Variants in ANKFY1 observed in about 807,000 individuals in gnomAD.
The protein encoded by ANKFY1 is ankyrin repeat and FYVE domain containing 1.
Under a neutral mutation model 128.3 loss-of-function variants are expected in ANKFY1, and 47 were observed. The observed-to-expected ratio is 0.37, with a 90% CI of 0.29 to 0.47. The LOEUF is 0.47. ANKFY1 is among the 20% of genes least tolerant of loss of function. The pLI, the probability that ANKFY1 is intolerant of heterozygous loss-of-function variation, is 1.00. For synonymous variants in ANKFY1, 553 were observed against 601.6 expected (o/e 0.92, Z 1.18); for missense variants, 1,222 against 1,510.6 (o/e 0.81, Z 3.17).
chr17:4,263,121 T>C (rs1428142580), intron 1 of ANKFY1, among the ~76,000 whole-genome samples: 1 of 152,220 alleles, frequency 6.6e-6, no homozygotes, highest in African/African-American at 2.4e-5. Flanking sequence ...TCCCCGTCTC[T>C]GGGCCTTCTT....
intron 4 of ANKFY1, among the ~76,000 whole-genome samples, chr17:4,210,677 C>T (rs539382383): frequency 1.5e-5 from 2 of 130,614 alleles, no homozygotes; most frequent in African/African-American, 6.1e-5. Flanking sequence ...CATTGCACTC[C>T]GGCCTGGGCG....
chr17:4,260,171 GGAGTATTAAGAA>G (rs1196055439), intron 1 of ANKFY1, among the ~76,000 whole-genome samples: 3 of 152,166 alleles, frequency 2.0e-5, no homozygotes, highest in African/African-American at 7.2e-5. Flanking sequence ...TTGAGGGGCA[GGAGTATTAAGAA>G]GAGTAGGAGA....
intron 3 of ANKFY1, among the ~76,000 whole-genome samples, chr17:4,229,509 A>G (rs960605642): frequency 2.6e-5 from 4 of 152,196 alleles, no homozygotes; most frequent in African/African-American, 9.6e-5. Flanking sequence ...GAAAGATTTA[A>G]TACAGATAAA....
chr17:4,176,201 C>T (rs2059409333), intron 19 of ANKFY1, among the ~76,000 whole-genome samples: 1 of 152,228 alleles, frequency 6.6e-6, no homozygotes, highest in African/African-American at 2.4e-5. Context: ...CCCAAGGCGC[C>T]TTCTTCAAAT....
intron 22 of ANKFY1, 60 bp from the exon 23 acceptor site, chr17:4,170,921 A>ACGGAGGG (rs1239351893): frequency 6.2e-7 from 1 of 1,611,218 alleles, no homozygotes; most frequent in African/African-American, 1.3e-5. Context: ...GCAGCCACAG[A>ACGGAGGG]CGGAGGGCGG....
chr17:4,199,074 C>T (rs562648207), intron 7 of ANKFY1, among the ~76,000 whole-genome samples: 3 of 152,192 alleles, frequency 2.0e-5, no homozygotes, highest in Non-Finnish European at 2.9e-5. Context: ...GTGGGAGGAT[C>T]GCTTGAGCCC....
At chr17:4,222,662 C>T in intron 3 of ANKFY1, 2 of 895,374 alleles carry the variant, frequency 2.2e-6, no homozygotes, top group East Asian at 2.4e-5. Flanking sequence ...AAAATGTGCA[C>T]CAAAAATGGC....
intron 2 of ANKFY1, among the ~76,000 whole-genome samples, chr17:4,241,897 G>A (rs1361063661): frequency 6.6e-6 from 1 of 151,622 alleles, no homozygotes; most frequent in East Asian, 2.0e-4. Context: ...AGACCATCCT[G>A]GCTAACATGT....
chr17:4,194,092 T>TAC, intron 10 of ANKFY1, among the ~76,000 whole-genome samples: 1 of 89,554 alleles, frequency 1.1e-5, no homozygotes, highest in Non-Finnish European at 2.2e-5. Flanking sequence ...CGGCCATATA[T>TAC]ATATATATAT....
intron 19 of ANKFY1, among the ~76,000 whole-genome samples, chr17:4,176,215 G>T (rs2059409427): frequency 6.6e-6 from 1 of 152,200 alleles, no homozygotes; most frequent in African/African-American, 2.4e-5. Flanking sequence ...TTCAAATGCT[G>T]CCTCAGCTCA....
intron 7 of ANKFY1, 114 bp downstream of exon 7, chr17:4,206,207 G>C: frequency 9.2e-7 from 1 of 1,090,884 alleles, no homozygotes; most frequent in Non-Finnish European, 1.3e-6. Context: ...TGTAGCCTGT[G>C]AGTACAGACT....
rs779753119 is a variant in ANKFY1, at chr17:4,209,867, C to G, written c.539G>C (p.Ser180Thr). The change falls in exon 5 of 25, where the codon AGC becomes ACC. Residue 180 changes from serine to threonine, a missense_variant. By Grantham distance (58) the Ser-to-Thr change is moderately conservative. Coordinates refer to ENST00000341657, the MANE Select transcript of ANKFY1 (RefSeq NM_001330063.2). ...FYQTAEELNASTLMNYCAEII... is the reference protein window; with the variant it reads ...FYQTAEELNATTLMNYCAEII... ...TTCTGCACAGTAGTTCATCAGTGTG[C>G]TGGCATTCAGCTCCTCTGCCGTCTG... The G allele has an allele frequency of 6.2e-7, 1 of 1,614,038 alleles. No individual in the cohort carries two copies. The highest frequency in any genetic ancestry group is 1.1e-5 in the South Asian group (1 of 91,070).
chr17:4,261,002 C>G (rs1004036536), intron 1 of ANKFY1, among the ~76,000 whole-genome samples: 2 of 152,202 alleles, frequency 1.3e-5, no homozygotes, highest in African/African-American at 4.8e-5. Flanking sequence ...CTCTGAGAAT[C>G]TGATTAAAGC....
At chr17:4,222,705 G>C in intron 3 of ANKFY1, 1 of 876,490 alleles carries the variant, frequency 1.1e-6, no homozygotes, top group East Asian at 2.4e-5. Context: ...TTCTACGCGT[G>C]TTTTATATTA....
Position 4,178,872 on chromosome 17 carries a change from G to C in ANKFY1, c.2583C>G (p.Ser861=). The change falls in exon 18 of 25, where the codon TCC becomes TCG. Residue 861 remains serine (S), a synonymous_variant. Transcript: ENST00000341657. This position sits in a 1 kb window ranked among gnomAD's most constrained non-coding sequence, Gnocchi z 4.1. The part of the protein sequence containing the change: ...KSAEAILKRE[S]GAAEQVDNKG... ...ATTCACTCACCTGCTCAGCAGCCCC[G>C]GACTCTCGTTTGAGAATGGCCTCGG... 1 of 1,614,178 alleles carries C rather than the reference G, an allele frequency of 6.2e-7. No homozygotes were observed. The highest frequency in any genetic ancestry group is 8.5e-7 in the Non-Finnish European group (1 of 1,180,044).
chr17:4,208,168 G>C, intron 5 of ANKFY1, 86 bp from the exon 6 acceptor site: 1 of 1,349,844 alleles, frequency 7.4e-7, no homozygotes, highest in Non-Finnish European at 1.0e-6. Flanking sequence ...AAATGCATCA[G>C]TCAGGCCCTT....
At chr17:4,211,976 C>CA (rs1356150488) in intron 4 of ANKFY1, among the ~76,000 whole-genome samples, 29 of 152,196 alleles carry the variant, frequency 1.9e-4, no homozygotes, top group African/African-American at 7.0e-4. Context: ...GCAAATAGGT[C>CA]TCTGGTAGCA....
Position 4,170,813 on chromosome 17 carries a change from A to G in ANKFY1, c.3188T>C (p.Ile1063Thr). 6.2e-7 allele frequency: 1 copy of G among 1,614,246 alleles called. No individual in the cohort carries two copies. Among genetic ancestry groups the G allele is most frequent in the Non-Finnish European group, 8.5e-7 (1 of 1,180,042 alleles). ...CCCGAGGCGAGCCCCCGACCGGACGATGGCGCGGCACAAGTTGGCGTTCCC... is the reference window on the plus strand; with the variant it reads ...CCCGAGGCGAGCCCCCGACCGGACGGTGGCGCGGCACAAGTTGGCGTTCCC... ...MKGNANLCRA[I>T]VRSGARLGVN... The change falls in exon 23 of 25, where the codon ATC becomes ACC. Residue 1063 changes from isoleucine (I) to threonine (T), a missense_variant. Coordinates refer to ENST00000341657, the MANE Select transcript of ANKFY1 (RefSeq NM_001330063.2).
At position 4,169,960 on chromosome 17, in the gene ANKFY1, C is replaced by T. The variant is rs1397044672; in HGVS notation, c.3287-672G>A. On this transcript the variant is annotated intron_variant, in intron 23 of 24. Coordinates refer to ENST00000341657, the MANE Select transcript of ANKFY1 (RefSeq NM_001330063.2). The surrounding 1 kb of genome is among the most constrained non-coding windows in gnomAD (Gnocchi z 5.0). ...ATGGGGACGGAGCAGCACGTGAGTCCGTCAGTTCCTTCTGAGTAATGGGAT... is the reference window on the plus strand; with the variant it reads ...ATGGGGACGGAGCAGCACGTGAGTCTGTCAGTTCCTTCTGAGTAATGGGAT... 1.3e-5 allele frequency among the ~76,000 whole-genome samples: 2 copies of T among 152,168 alleles called. No homozygotes were observed. Among genetic ancestry groups the T allele is most frequent in the Non-Finnish European group, 1.5e-5 (1 of 68,032 alleles).
Sources: allele counts gnomAD v4.1 joint callset (sites outside exome capture counted in the v4.1 genomes callset), GRCh38; gene constraint gnomAD v4.1.1; non-coding constraint Gnocchi (gnomAD v3.1); transcripts MANE v1.5; gene names NCBI Gene and HGNC (gene_info 2026-07-23, HGNC 2026-07-21).